The following PTPRN2 variants were observed in gnomAD, a reference collection of about 807,000 sequenced individuals.
PTPRN2 encodes the protein protein tyrosine phosphatase receptor type N2, also known as receptor-type tyrosine-protein phosphatase N2.
PTPRN2 carries 74 observed loss-of-function variants against 118.8 expected under a neutral mutation model. That is an observed-to-expected ratio of 0.62 (90% CI 0.52 to 0.76). The LOEUF (loss-of-function observed/expected upper bound fraction) is 0.76, where lower values mean the gene tolerates loss of function less well. PTPRN2 is among the 30% of genes least tolerant of loss of function. PTPRN2 has a pLI of 0.00. For synonymous variants in PTPRN2, 641 were observed against 608.0 expected, an observed-to-expected ratio of 1.05 and a Z score of -0.80; for missense variants, 1,481 against 1,394.4, an observed-to-expected ratio of 1.06 and a Z score of -0.99.
At chr7:158,067,706 C>T (rs960343947) in intron 11 of PTPRN2, among the ~76,000 whole-genome samples, 3 of 152,052 alleles carry the variant, frequency 2.0e-5, no homozygotes, top group African/African-American at 7.2e-5. Context: ...AAGGAGTGAG[C>T]GAGTGACAGA....
intron 11 of PTPRN2, among the ~76,000 whole-genome samples, chr7:157,937,443 A>G (rs1799784426): frequency 6.6e-6 from 1 of 152,240 alleles, no homozygotes. Context: ...TGATGTCTGG[A>G]GCAGATCGCA....
chr7:158,107,054 G>T (rs918209999), intron 10 of PTPRN2, among the ~76,000 whole-genome samples: 2 of 152,080 alleles, frequency 1.3e-5, no homozygotes, highest in Non-Finnish European at 2.9e-5. Context: ...TACCTCACAA[G>T]AAACCAAGGT....
chr7:158,437,903 C>T (rs10247026), intron 2 of PTPRN2, among the ~76,000 whole-genome samples: 56,500 of 152,022 alleles, frequency 0.37, 11,635 homozygotes, highest in East Asian at 0.62. Flanking sequence ...GCAATGCAAA[C>T]ATCTATTTGT....
At chr7:158,352,990 T>C (rs1374362928) in intron 2 of PTPRN2, among the ~76,000 whole-genome samples, 1 of 152,278 alleles carries the variant, frequency 6.6e-6, no homozygotes, top group Non-Finnish European at 1.5e-5. Context: ...CACTCGCTCC[T>C]ATTCCGGGTC....
intron 12 of PTPRN2, among the ~76,000 whole-genome samples, chr7:157,837,148 C>T (rs113087970): frequency 8.7e-4 from 107 of 123,128 alleles, no homozygotes; most frequent in Admixed American, 3.5e-3. Flanking sequence ...TCCACACATC[C>T]GCCCTTCCGT....
At chr7:158,493,193 GCA>G (rs1203683330) in intron 1 of PTPRN2, among the ~76,000 whole-genome samples, 1 of 152,196 alleles carries the variant, frequency 6.6e-6, no homozygotes, top group African/African-American at 2.4e-5. Flanking sequence ...TCCTGCTTCA[GCA>G]CAGAGACAAG....
At position 157,562,363 on chromosome 7, in the gene PTPRN2, G is replaced by A. The variant is rs556455468; in HGVS notation, c.2902+6539C>T. Among the ~76,000 whole-genome samples, 8 of 152,320 alleles carry A rather than the reference G, an allele frequency of 5.3e-5. No homozygotes were observed. In the South Asian group the frequency reaches 1.2e-3, roughly 24 times the overall value. ...GGTGAGGGTGAAGTCAGGAGCCACC[G>A]TAGTGCCACCTTGGAGCCGTGTGGC... On this transcript the variant is annotated intron_variant, in intron 21 of 22. Coordinates refer to ENST00000389418, the MANE Select transcript of PTPRN2 (RefSeq NM_002847.5).
At chr7:158,440,830 G>A (rs1286118791) in intron 2 of PTPRN2, among the ~76,000 whole-genome samples, 24 of 143,402 alleles carry the variant, frequency 1.7e-4, no homozygotes, top group Non-Finnish European at 3.1e-4. Flanking sequence ...AGTGGTGGTG[G>A]TGGTGATGGC....
At position 157,590,781 on chromosome 7, in the gene PTPRN2, C is replaced by A. The variant is rs191100896; in HGVS notation, c.2496+4457G>T. 2.0e-4 allele frequency among the ~76,000 whole-genome samples: 31 copies of A among 152,276 alleles called. No individual in the cohort carries two copies. The highest frequency in any genetic ancestry group is 3.2e-4 in the Non-Finnish European group (22 of 68,030). On this transcript the variant is annotated intron_variant, in intron 17 of 22. Coordinates refer to ENST00000389418, the MANE Select transcript of PTPRN2 (RefSeq NM_002847.5). This position sits in a 1 kb window ranked among gnomAD's most constrained non-coding sequence, Gnocchi z 4.0. ...TCTTCCAGGCTCCCCCCTTCTGGAC[C>A]CATGGGCCCCTGTACAGCATTTCTT...
Position 158,133,853 on chromosome 7 carries a change from C to T in PTPRN2, c.1380G>A (p.Gln460=). 1.2e-6 allele frequency: 2 copies of T among 1,613,932 alleles called. No homozygotes were observed. The highest frequency in any genetic ancestry group is 1.7e-6 in the Non-Finnish European group (2 of 1,180,016). The change falls in exon 9 of 23, where the codon CAG becomes CAA. Residue 460 remains glutamine (Q), a synonymous_variant. Coordinates refer to ENST00000389418, the MANE Select transcript of PTPRN2 (RefSeq NM_002847.5). The stretch of plus-strand genomic sequence containing the variant: ...CAGCGGCCCCGGGCTCCGAATGCGG[C>T]TGCTGCCCCAGCAGATCTTTGGAAT... The part of the protein sequence containing the change: ...QTYSKDLLGQ[Q]PHSEPGAAAF...
intron 1 of PTPRN2, among the ~76,000 whole-genome samples, chr7:158,502,898 TGTCC>T (rs1386288331): frequency 4.5e-4 from 69 of 151,770 alleles, no homozygotes; most frequent in East Asian, 1.6e-3. Context: ...TCAGCCACTG[TGTCC>T]ATCAGCCACT....
intron 12 of PTPRN2, among the ~76,000 whole-genome samples, chr7:157,836,113 A>G (rs2151170261): frequency 2.0e-5 from 3 of 152,388 alleles, no homozygotes; most frequent in Admixed American, 2.0e-4. Context: ...AAGCAGAACC[A>G]TCAATAATCA....
chr7:157,881,841 G>C lies in PTPRN2; in HGVS notation c.1788+16832C>G, dbSNP rs759898635. On this transcript the variant is annotated intron_variant, in intron 12 of 22. Coordinates refer to ENST00000389418, the MANE Select transcript of PTPRN2 (RefSeq NM_002847.5). The surrounding 1 kb of genome is among the most constrained non-coding windows in gnomAD (Gnocchi z 4.7). ...GATCCTTTGTTTCACAGGAATGAAA[G>C]TGAAGGTAAAGTTTGTGCCTGTAAA... is the stretch of plus-strand genomic sequence containing the variant. 2.0e-5 allele frequency among the ~76,000 whole-genome samples: 3 copies of C among 152,034 alleles called. No individual in the cohort carries two copies. The highest frequency in any genetic ancestry group is 6.6e-5 in the Admixed American group (1 of 15,262).
intron 11 of PTPRN2, among the ~76,000 whole-genome samples, chr7:157,993,306 T>C (rs958027364): frequency 1.3e-5 from 2 of 151,538 alleles, no homozygotes; most frequent in African/African-American, 4.9e-5. Context: ...GATTTTTTCC[T>C]AGGTTGTATG....
Position 158,210,131 on chromosome 7 carries a change from C to CTTTT in PTPRN2, c.278-4862_278-4859dup, listed in dbSNP as rs869191127. 2.8e-3 allele frequency among the ~76,000 whole-genome samples: 309 copies of CTTTT among 108,644 alleles called. 3 individuals are homozygous for CTTTT. The highest frequency in any genetic ancestry group is 6.3e-3 in the African/African-American group (167 of 26,372). 71.3% of individuals were successfully genotyped at this position (108,644 alleles called of 152,430 possible). On this transcript the variant is annotated intron_variant, in intron 3 of 22. Coordinates refer to ENST00000389418, the MANE Select transcript of PTPRN2 (RefSeq NM_002847.5). ...ACCCTCAAACAATCTAATGATGCAT[C>CTTTT]TTTTTTTTTTTTTTTTTTTTTTGAG...
intron 13 of PTPRN2, among the ~76,000 whole-genome samples, chr7:157,669,059 G>A (rs1436910725): frequency 2.0e-5 from 3 of 152,180 alleles, no homozygotes; most frequent in Admixed American, 6.5e-5. Context: ...TGAGGAGAGC[G>A]ACTTTACACA....
intron 2 of PTPRN2, among the ~76,000 whole-genome samples, chr7:158,384,308 C>G (rs1163983530): frequency 6.6e-6 from 1 of 152,144 alleles, no homozygotes; most frequent in African/African-American, 2.4e-5. Context: ...GGCCAGACAC[C>G]AACACATCTC....
chr7:157,945,089 A>T (rs1434163715), intron 11 of PTPRN2, among the ~76,000 whole-genome samples: 1 of 151,976 alleles, frequency 6.6e-6, no homozygotes, highest in Non-Finnish European at 1.5e-5. Flanking sequence ...TGTGAGATGG[A>T]GATGTGTTTA....
chr7:158,262,987 TCA>T (rs1446272897), intron 3 of PTPRN2, among the ~76,000 whole-genome samples: 1,428 of 137,028 alleles, frequency 0.01, 24 homozygotes, highest in African/African-American at 0.037. Context: ...ACATACAGAT[TCA>T]CACACATTGC....
Sources: allele counts gnomAD v4.1 joint callset (sites outside exome capture counted in the v4.1 genomes callset), GRCh38; gene constraint gnomAD v4.1.1; non-coding constraint Gnocchi (gnomAD v3.1); transcripts MANE v1.5; gene names NCBI Gene and HGNC (gene_info 2026-07-23, HGNC 2026-07-21).